Variants in DPP10 observed in about 807,000 individuals in gnomAD.
DPP10 encodes inactive dipeptidyl peptidase 10.
DPP10 carries 33 observed loss-of-function variants against 120.9 expected under a neutral mutation model. That is an observed-to-expected ratio of 0.27 (90% CI 0.21 to 0.37). The LOEUF is 0.37. Ranked by LOEUF, DPP10 falls within the 10% of genes least tolerant of loss-of-function variation. The probability of loss-of-function intolerance (pLI) is 1.00; values close to 1 mark genes in which losing one functional copy is unlikely to be tolerated. For missense variants in DPP10, 816 were observed against 942.8 expected, an observed-to-expected ratio of 0.87 and a Z score of 1.76; for synonymous variants, 337 against 326.1, an observed-to-expected ratio of 1.03 and a Z score of -0.36.
intron 5 of DPP10, among the ~76,000 whole-genome samples, chr2:115,551,597 C>A (rs1186491393): frequency 6.6e-6 from 1 of 152,060 alleles, no homozygotes; most frequent in Non-Finnish European, 1.5e-5. Context: ...CTCTTTATTC[C>A]TTATGGACAG....
chr2:114,490,042 A>G (rs1413512688), intron 1 of DPP10, among the ~76,000 whole-genome samples: 2 of 152,230 alleles, frequency 1.3e-5, no homozygotes, highest in East Asian at 3.8e-4. Flanking sequence ...TTATAAGACC[A>G]GTATGACTTC....
At chr2:115,440,705 G>A (rs1300416310) in intron 3 of DPP10, among the ~76,000 whole-genome samples, 2 of 152,180 alleles carry the variant, frequency 1.3e-5, no homozygotes, top group Non-Finnish European at 2.9e-5. Context: ...AAGCAAAATG[G>A]TTACAGAGAG....
In DPP10 at chr2:115,410,544, G is replaced by A. The variant is rs141609481; in HGVS notation, c.271+66632G>A. ...GTTGGGCTGAATACCTAGATGATGA[G>A]TTGATCTATGCAGCAAACCACCATG... On this transcript the variant is annotated intron_variant, in intron 3 of 25. Coordinates refer to ENST00000410059, the MANE Select transcript of DPP10 (RefSeq NM_020868.6). Among the ~76,000 whole-genome samples the A allele has an allele frequency of 2.6e-5, 4 of 152,308 alleles. No homozygotes were observed. In the East Asian group the frequency reaches 7.7e-4, roughly 29 times the overall value.
intron 1 of DPP10, among the ~76,000 whole-genome samples, chr2:114,747,550 T>C (rs1271026562): frequency 6.6e-6 from 1 of 152,130 alleles, no homozygotes; most frequent in Non-Finnish European, 1.5e-5. Context: ...TATATAGAAA[T>C]ACAAAAAATG....
chr2:114,613,996 A>C (rs745739174), intron 1 of DPP10, among the ~76,000 whole-genome samples: 5 of 152,100 alleles, frequency 3.3e-5, no homozygotes, highest in Non-Finnish European at 7.4e-5. Flanking sequence ...GAGGGAGGGC[A>C]TTAGGACAAA....
At chr2:114,931,464 A>C (rs1696063978) in intron 1 of DPP10, among the ~76,000 whole-genome samples, 1 of 152,174 alleles carries the variant, frequency 6.6e-6, no homozygotes, top group Non-Finnish European at 1.5e-5. Context: ...ATGGGCACTA[A>C]TAGAGGGAGA....
chr2:115,504,371 C>G (rs2076839350), intron 4 of DPP10, among the ~76,000 whole-genome samples: 1 of 148,900 alleles, frequency 6.7e-6, no homozygotes, highest in Non-Finnish European at 1.5e-5. Flanking sequence ...AGCATAATTG[C>G]TTTCATTGGT....
At chr2:115,103,891 T>C (rs2048820912) in intron 1 of DPP10, among the ~76,000 whole-genome samples, 1 of 152,184 alleles carries the variant, frequency 6.6e-6, no homozygotes, top group Admixed American at 6.5e-5. Flanking sequence ...CAGAAGTGTT[T>C]TGGATTTCAT....
intron 1 of DPP10, among the ~76,000 whole-genome samples, chr2:114,805,410 T>C (rs1401406668): frequency 6.6e-6 from 1 of 152,192 alleles, no homozygotes; most frequent in Non-Finnish European, 1.5e-5. Flanking sequence ...AGAGCAGTAC[T>C]GTGAACTTTG....
chr2:115,588,018 T>C (rs1329395211), intron 5 of DPP10, among the ~76,000 whole-genome samples: 3 of 152,324 alleles, frequency 2.0e-5, no homozygotes, highest in African/African-American at 7.2e-5. Flanking sequence ...ATTTTTGGCA[T>C]GTAAACTATT....
chr2:114,448,978 T>C lies in DPP10; in HGVS notation c.60+6140T>C, dbSNP rs115721448. On this transcript the variant is annotated intron_variant, in intron 1 of 25. Coordinates refer to ENST00000410059, the MANE Select transcript of DPP10 (RefSeq NM_020868.6). ...CATGTAAGCAGGTTAGAGGCCTTGC[T>C]TTTTGTTTTAAATTCATAGAAAATT... is the stretch of plus-strand genomic sequence containing the variant. Among the ~76,000 whole-genome samples, 557 of 152,336 alleles carry C rather than the reference T, an allele frequency of 3.7e-3. 2 individuals are homozygous for C. The highest frequency in any genetic ancestry group is 6.8e-3 in the Middle Eastern group (2 of 294).
intron 1 of DPP10, among the ~76,000 whole-genome samples, chr2:114,621,319 C>T (rs1694074865): frequency 6.6e-6 from 1 of 152,024 alleles, no homozygotes; most frequent in Non-Finnish European, 1.5e-5. Flanking sequence ...TAAAGCTCAC[C>T]TTTGTTAATG....
At chr2:115,202,685 C>G (rs2055824450) in intron 1 of DPP10, among the ~76,000 whole-genome samples, 1 of 152,162 alleles carries the variant, frequency 6.6e-6, no homozygotes, top group Non-Finnish European at 1.5e-5. Context: ...TCCAATAGCA[C>G]TTTCTGTGAT....
intron 5 of DPP10, among the ~76,000 whole-genome samples, chr2:115,605,203 A>AT: frequency 6.6e-6 from 1 of 152,210 alleles, no homozygotes; most frequent in African/African-American, 2.4e-5. Context: ...GATAGAATCA[A>AT]TTTTTGGGAT....
chr2:114,768,178 A>G (rs1680913022), intron 1 of DPP10, among the ~76,000 whole-genome samples: 1 of 152,004 alleles, frequency 6.6e-6, no homozygotes, highest in Non-Finnish European at 1.5e-5. Context: ...TCAATCCAGA[A>G]TTATATACCA....
intron 1 of DPP10, among the ~76,000 whole-genome samples, chr2:114,834,467 T>G (rs1687460880): frequency 1.3e-5 from 2 of 151,574 alleles, no homozygotes; most frequent in African/African-American, 4.9e-5. Context: ...ATCAGCCATA[T>G]CTACACACCT....
chr2:115,280,994 A>T (rs139464936), intron 1 of DPP10, among the ~76,000 whole-genome samples: 11 of 152,268 alleles, frequency 7.2e-5, no homozygotes, highest in African/African-American at 2.4e-4. Context: ...CTGGAATCCA[A>T]TCCTCATAAA....
chr2:115,612,147 C>T (rs2084150326), intron 5 of DPP10, among the ~76,000 whole-genome samples: 1 of 152,056 alleles, frequency 6.6e-6, no homozygotes, highest in Admixed American at 6.6e-5. Flanking sequence ...CTAACCAAAT[C>T]CATATTTTTA....
intron 1 of DPP10, among the ~76,000 whole-genome samples, chr2:114,779,192 C>T (rs1396359976): frequency 6.6e-6 from 1 of 152,032 alleles, no homozygotes; most frequent in Non-Finnish European, 1.5e-5. Context: ...AATAACCTGG[C>T]TTTCTCTCCT....
Sources: allele counts gnomAD v4.1 joint callset (sites outside exome capture counted in the v4.1 genomes callset), GRCh38; gene constraint gnomAD v4.1.1; transcripts MANE v1.5; gene names NCBI Gene and HGNC (gene_info 2026-07-23, HGNC 2026-07-21).